Variants in PHACTR3 observed in about 807,000 individuals in gnomAD.
PHACTR3 encodes the protein phosphatase and actin regulator 3, also known as protein phosphatase 1, regulatory subunit 123.
In PHACTR3, 16 loss-of-function variants were observed where a neutral mutation model predicts 66.8. That is an observed-to-expected ratio of 0.24 (90% CI 0.16 to 0.36). PHACTR3 has a LOEUF of 0.36. Among genes scored for constraint, PHACTR3 ranks in the 10% least tolerant of loss-of-function variants. The pLI, the probability that PHACTR3 is intolerant of heterozygous loss-of-function variation, is 1.00. For missense variants in PHACTR3, 647 were observed against 719.9 expected, an observed-to-expected ratio of 0.90 and a Z score of 1.16; for synonymous variants, 323 against 292.1, an observed-to-expected ratio of 1.11 and a Z score of -1.08.
intron 7 of PHACTR3, among the ~76,000 whole-genome samples, chr20:59,784,968 G>A (rs1370323634): frequency 4.8e-5 from 7 of 145,410 alleles, no homozygotes; most frequent in African/African-American, 7.5e-5. Context: ...ACCTGATGCC[G>A]TCTGTCATGA....
At chr20:59,643,750 C>A (rs1000952357) in intron 1 of PHACTR3, among the ~76,000 whole-genome samples, 3 of 152,220 alleles carry the variant, frequency 2.0e-5, no homozygotes, top group African/African-American at 7.2e-5. Flanking sequence ...GTGTTCAGGG[C>A]AAATGCACGG....
chr20:59,728,040 G>A (rs2038627531), intron 1 of PHACTR3, among the ~76,000 whole-genome samples: 1 of 152,178 alleles, frequency 6.6e-6, no homozygotes, highest in Non-Finnish European at 1.5e-5. Context: ...AATTCATATA[G>A]CACAAAATTA....
At chr20:59,801,065 A>G (rs1014297434) in intron 7 of PHACTR3, among the ~76,000 whole-genome samples, 2 of 152,150 alleles carry the variant, frequency 1.3e-5, no homozygotes, top group African/African-American at 4.8e-5. Context: ...ATATTAATCC[A>G]CTGAGGGTTC....
intron 1 of PHACTR3, among the ~76,000 whole-genome samples, chr20:59,703,824 T>A (rs2146620152): frequency 6.6e-6 from 1 of 152,260 alleles, no homozygotes; most frequent in African/African-American, 2.4e-5. Context: ...ATTTACTGAC[T>A]GAATGAAAGT....
intron 4 of PHACTR3, among the ~76,000 whole-genome samples, chr20:59,766,546 G>A (rs1051263998): frequency 3.9e-5 from 6 of 152,146 alleles, no homozygotes; most frequent in East Asian, 3.9e-4. Context: ...TGTGAAGGAG[G>A]TGGATGGAGC....
intron 8 of PHACTR3, among the ~76,000 whole-genome samples, chr20:59,808,706 GC>G (rs1435197177): frequency 6.6e-6 from 1 of 152,208 alleles, no homozygotes; most frequent in African/African-American, 2.4e-5. Context: ...AGGTTCTGAT[GC>G]TGCAGGTGCA....
chr20:59,741,286 C>T (rs6027070), intron 1 of PHACTR3, among the ~76,000 whole-genome samples: 17,001 of 152,302 alleles, frequency 0.11, 1,812 homozygotes, highest in African/African-American at 0.28. Flanking sequence ...GAGGCTGAGC[C>T]AGCTGTCGGG....
chr20:59,773,558 C>G (rs116080693), intron 6 of PHACTR3, 105 bp downstream of exon 6: 31 of 1,183,328 alleles, frequency 2.6e-5, no homozygotes, highest in Admixed American at 1.8e-4. Flanking sequence ...CTGGGTGTCC[C>G]GTTCTACAGT....
At chr20:59,770,010 G>A (rs180862930) in intron 5 of PHACTR3, among the ~76,000 whole-genome samples, 186 of 152,278 alleles carry the variant, frequency 1.2e-3, no homozygotes, top group Non-Finnish European at 1.8e-3. Context: ...TTATTCTGGC[G>A]AATGTATAAT....
chr20:59,627,079 G>T (rs1004638983), intron 1 of PHACTR3: 18 of 152,270 alleles, frequency 1.2e-4, no homozygotes, highest in African/African-American at 4.3e-4. Flanking sequence ...AAGCATCAAA[G>T]TGCAGCCAGG....
rs1185384148 is a variant in PHACTR3, at chr20:59,847,550, A to G, written c.*420A>G. ...TTCAAAAGACATTTTTATCCTGATC[A>G]TAATTAATTTGAAAACTCTTTAAGT... On this transcript the variant is annotated 3_prime_UTR_variant, in exon 13 of 13. Transcript: ENST00000371015. The G allele has an allele frequency of 6.3e-6, 1 of 159,334 alleles. No individual in the cohort carries two copies. The highest frequency in any genetic ancestry group is 1.4e-5 in the Non-Finnish European group (1 of 72,602). The allele number at this position is 159,334 out of a possible 1,614,324, so 9.9% of individuals were successfully genotyped here.
chr20:59,662,757 TG>T (rs1199898826), intron 1 of PHACTR3, among the ~76,000 whole-genome samples: 1 of 151,616 alleles, frequency 6.6e-6, no homozygotes, highest in Non-Finnish European at 1.5e-5. Flanking sequence ...CAGGAGGTGC[TG>T]GGGGCCAGTC....
In PHACTR3 at chr20:59,830,177, G is replaced by A. The variant is rs1370952319; in HGVS notation, c.1329-6328G>A. Among the ~76,000 whole-genome samples the A allele has an allele frequency of 7.0e-6, 1 of 142,900 alleles. No individual in the cohort carries two copies. Among genetic ancestry groups the A allele is most frequent in the African/African-American group, 2.8e-5 (1 of 35,616 alleles). 93.7% of individuals were successfully genotyped at this position (142,900 alleles called of 152,430 possible). A position where few individuals can be genotyped will look rare whatever the true frequency, so the allele number is the denominator to read the frequency against. ...ATGTGCGTGTCTGGTGGAAGAGGGT[G>A]TGCGTGTCTGATGGAAGAGGGTATG... On this transcript the variant is annotated intron_variant, in intron 8 of 12. Transcript: ENST00000371015. The surrounding 1 kb of genome is among the most constrained non-coding windows in gnomAD (Gnocchi z 5.8).
chr20:59,697,602 G>A (rs2037347728), intron 1 of PHACTR3, among the ~76,000 whole-genome samples: 1 of 152,068 alleles, frequency 6.6e-6, no homozygotes, highest in Non-Finnish European at 1.5e-5. Context: ...ATGAGACCAA[G>A]GAAATAGTCT....
chr20:59,754,385 C>T (rs2039709102), intron 3 of PHACTR3, among the ~76,000 whole-genome samples: 1 of 152,192 alleles, frequency 6.6e-6, no homozygotes, highest in Non-Finnish European at 1.5e-5. Flanking sequence ...CTCTGTGGCC[C>T]CTCCATCCAT....
At chr20:59,734,187 T>C (rs370686090) in intron 1 of PHACTR3, among the ~76,000 whole-genome samples, 1 of 152,172 alleles carries the variant, frequency 6.6e-6, no homozygotes, top group Non-Finnish European at 1.5e-5. Flanking sequence ...CAAGTTCCAG[T>C]GCACAGACCC....
intron 7 of PHACTR3, among the ~76,000 whole-genome samples, chr20:59,792,299 A>T (rs1206672363): frequency 2.0e-5 from 3 of 152,218 alleles, no homozygotes; most frequent in African/African-American, 7.2e-5. Flanking sequence ...CTTTGTGTGG[A>T]CATATGCTTT....
At chr20:59,585,501 C>T (rs1333722432) in intron 1 of PHACTR3, among the ~76,000 whole-genome samples, 2 of 152,162 alleles carry the variant, frequency 1.3e-5, no homozygotes, top group Admixed American at 6.5e-5. Context: ...GTGAATCACT[C>T]AAACTGGGGG....
At chr20:59,684,434 G>A (rs778158543) in intron 1 of PHACTR3, among the ~76,000 whole-genome samples, 6 of 152,144 alleles carry the variant, frequency 3.9e-5, no homozygotes, top group Non-Finnish European at 7.3e-5. Context: ...GGTGCTGAGG[G>A]GCCTTTGCAG....
Sources: allele counts gnomAD v4.1 joint callset (sites outside exome capture counted in the v4.1 genomes callset), GRCh38; gene constraint gnomAD v4.1.1; non-coding constraint Gnocchi (gnomAD v3.1); transcripts MANE v1.5; gene names NCBI Gene and HGNC (gene_info 2026-07-23, HGNC 2026-07-21).